The following PRUNE2 variants were observed in gnomAD, a reference collection of about 807,000 sequenced individuals.
PRUNE2 encodes the protein protein prune homolog 2.
Under a neutral mutation model 252.0 loss-of-function variants are expected in PRUNE2, and 164 were observed. The ratio of observed to expected loss-of-function variants is 0.65; its 90% CI spans 0.57 to 0.74. PRUNE2 has a LOEUF of 0.74. Among genes scored for constraint, PRUNE2 ranks in the 30% least tolerant of loss-of-function variants. The pLI is 0.00. For synonymous variants in PRUNE2, 1,292 were observed against 1,350.2 expected (o/e 0.96, Z 0.94); for missense variants, 3,495 against 3,711.0 (o/e 0.94, Z 1.51).
chr9:76,883,049 T>C (rs764894252), intron 1 of PRUNE2, among the ~76,000 whole-genome samples: 1 of 152,202 alleles, frequency 6.6e-6, no homozygotes, highest in Non-Finnish European at 1.5e-5. Context: ...TGGTTGCCTT[T>C]CCAAGCTTTT....
intron 9 of PRUNE2, among the ~76,000 whole-genome samples, chr9:76,696,671 C>A (rs2045418053): frequency 6.6e-6 from 1 of 152,220 alleles, no homozygotes; most frequent in Non-Finnish European, 1.5e-5. Context: ...AGTGATCTGC[C>A]CGCCTTGGCC....
intron 6 of PRUNE2, among the ~76,000 whole-genome samples, chr9:76,770,304 G>A (rs1589126795): frequency 6.6e-6 from 1 of 152,018 alleles, no homozygotes; most frequent in Non-Finnish European, 1.5e-5. Flanking sequence ...AAGTTTCTCT[G>A]GACTTTGAAC....
At chr9:76,652,956 C>T (rs10521475) in intron 10 of PRUNE2, among the ~76,000 whole-genome samples, 3 of 152,044 alleles carry the variant, frequency 2.0e-5, no homozygotes, top group Admixed American at 2.0e-4. Context: ...TTAACCTATA[C>T]GTGGCTGCCA....
intron 6 of PRUNE2, chr9:76,784,718 G>T: frequency 6.6e-6 from 1 of 152,340 alleles, no homozygotes. Flanking sequence ...TCTGGCCCAG[G>T]GGATCTGTGA....
chr9:76,771,570 G>C (rs1222974935), intron 6 of PRUNE2, among the ~76,000 whole-genome samples: 1 of 152,148 alleles, frequency 6.6e-6, no homozygotes, highest in Non-Finnish European at 1.5e-5. Context: ...GGTAATAATG[G>C]CTACTTTATC....
At chr9:76,694,407 T>G (rs1053070450) in intron 9 of PRUNE2, among the ~76,000 whole-genome samples, 1 of 152,176 alleles carries the variant, frequency 6.6e-6, no homozygotes, top group Non-Finnish European at 1.5e-5. Context: ...GGTTTTGAAC[T>G]CCTGGCCTCA....
intron 16 of PRUNE2, 51 bp downstream of exon 16, chr9:76,629,141 C>T (rs746948416): frequency 6.0e-6 from 7 of 1,162,504 alleles, no homozygotes; most frequent in Non-Finnish European, 6.3e-6. Context: ...CCACACCCAG[C>T]CTCAAACTAG....
intron 6 of PRUNE2, among the ~76,000 whole-genome samples, chr9:76,796,755 G>A (rs770469277): frequency 1.3e-5 from 2 of 152,152 alleles, no homozygotes; most frequent in Admixed American, 6.5e-5. Context: ...TTAGCAGACC[G>A]GGTAAAGCTG....
chr9:76,818,938 G>C (rs920448429), intron 6 of PRUNE2, among the ~76,000 whole-genome samples: 1 of 152,144 alleles, frequency 6.6e-6, no homozygotes, highest in African/African-American at 2.4e-5. Context: ...TTTGGAAATA[G>C]GGTTGTTGTA....
At chr9:76,784,648 G>T (rs774838550) in intron 6 of PRUNE2, 1 of 152,092 alleles carries the variant, frequency 6.6e-6, no homozygotes, top group Non-Finnish European at 1.5e-5. Context: ...TACTCATTTT[G>T]TTCAAAGACC....
At chr9:76,767,688 C>G (rs956324779) in intron 6 of PRUNE2, among the ~76,000 whole-genome samples, 1 of 152,106 alleles carries the variant, frequency 6.6e-6, no homozygotes, top group Non-Finnish European at 1.5e-5. Context: ...ATCTCTTGAC[C>G]CTATTTTGTT....
intron 1 of PRUNE2, among the ~76,000 whole-genome samples, chr9:76,894,230 G>C (rs779440029): frequency 6.6e-5 from 10 of 152,198 alleles, no homozygotes; most frequent in Admixed American, 1.3e-4. Context: ...TCCTCCAAAA[G>C]GAAGCAGCTC....
Position 76,706,093 on chromosome 9 carries a change from C to T in PRUNE2, c.6181G>A (p.Gly2061Arg), listed in dbSNP as rs778288830. Residue 2061 changes from glycine (G) to arginine (R), a missense_variant, in exon 8 of 19, where the codon GGG becomes AGG. By Grantham distance (125) the Gly-to-Arg change is moderately radical (BLOSUM62 -2). Coordinates refer to ENST00000376718, the MANE Select transcript of PRUNE2 (RefSeq NM_015225.3). ...DILHGNFQEG[G>R]QLASAAPDLW... is the part of the protein sequence containing the mutation. ...TCAGGCGCGGCAGAGGCCAGCTGCC[C>T]ACCCTCTTGAAAGTTGCCATGTAAA... is the stretch of plus-strand genomic sequence containing the variant. 2.5e-6 allele frequency: 4 copies of T among 1,614,026 alleles called. No individual in the cohort carries two copies. Among genetic ancestry groups the T allele is most frequent in the South Asian group, 2.2e-5 (2 of 91,076 alleles).
rs745430749 is a variant in PRUNE2 at position 76,891,034 on chromosome 9, T to C, written c.36+14894A>G. Among the ~76,000 whole-genome samples the C allele has an allele frequency of 1.3e-5, 2 of 152,248 alleles. 1 individual carries two copies. The highest frequency in any genetic ancestry group is 1.3e-4 in the Admixed American group (2 of 15,284). On this transcript the variant is annotated intron_variant, in intron 1 of 18. Transcript: ENST00000376718. ...GGCTTTAGCAATCATGTTGCCTTTG[T>C]CATGCTATGGTGATACAAAAGATTG...
intron 1 of PRUNE2, among the ~76,000 whole-genome samples, chr9:76,903,643 A>C (rs2133778198): frequency 6.6e-6 from 1 of 152,274 alleles, no homozygotes; most frequent in East Asian, 1.9e-4. Flanking sequence ...GCTGGAGTGC[A>C]GTGGCACAAT....
intron 9 of PRUNE2, among the ~76,000 whole-genome samples, chr9:76,681,178 G>GA (rs1208224223): frequency 6.6e-6 from 1 of 151,976 alleles, no homozygotes; most frequent in Non-Finnish European, 1.5e-5. Flanking sequence ...AGTCACACAT[G>GA]AAAAAACAAA....
At chr9:76,807,061 C>G (rs60258492) in intron 6 of PRUNE2, among the ~76,000 whole-genome samples, 1 of 146,098 alleles carries the variant, frequency 6.8e-6, no homozygotes, top group South Asian at 2.1e-4. Context: ...TGCGCGCGCG[C>G]GTGTGTCTGT....
chr9:76,900,287 T>A (rs1387969866), intron 1 of PRUNE2, among the ~76,000 whole-genome samples: 1 of 152,222 alleles, frequency 6.6e-6, no homozygotes, highest in Non-Finnish European at 1.5e-5. Flanking sequence ...TATTCCATTT[T>A]TCAGATTAAG....
chr9:76,746,980 G>A (rs996501664), intron 6 of PRUNE2, among the ~76,000 whole-genome samples: 6 of 152,308 alleles, frequency 3.9e-5, no homozygotes, highest in Non-Finnish European at 5.9e-5. Context: ...CCAAGGAAGC[G>A]GTCATGGGAA....
Sources: allele counts gnomAD v4.1 joint callset (sites outside exome capture counted in the v4.1 genomes callset), GRCh38; gene constraint gnomAD v4.1.1; transcripts MANE v1.5; gene names NCBI Gene and HGNC (gene_info 2026-07-23, HGNC 2026-07-21).